The following ARSK variants were observed in gnomAD, a reference collection of about 807,000 sequenced individuals.
ARSK encodes the protein arylsulfatase family member K.
In ARSK, 37 loss-of-function variants were observed where a neutral mutation model predicts 53.2. The ratio of observed to expected loss-of-function variants is 0.70; its 90% confidence interval spans 0.54 to 0.92. ARSK has a LOEUF of 0.92. Ranked by LOEUF, ARSK falls within the 40% of genes least tolerant of loss-of-function variation. ARSK has a pLI of 0.00. For missense variants in ARSK, 613 were observed against 643.0 expected (o/e 0.95, Z 0.51); for synonymous variants, 208 against 223.2 (o/e 0.93, Z 0.61).
At chr5:95,569,397 G>T (rs1748785016) in intron 3 of ARSK, among the ~76,000 whole-genome samples, 1 of 152,154 alleles carries the variant, frequency 6.6e-6, no homozygotes, top group Non-Finnish European at 1.5e-5. Flanking sequence ...TTCAGAATGT[G>T]ATCTTATTGG....
intron 6 of ARSK, among the ~76,000 whole-genome samples, chr5:95,598,964 T>C (rs960733861): frequency 6.6e-6 from 1 of 152,296 alleles, no homozygotes. Context: ...GACCACCCTA[T>C]ATAAAACAGC....
intron 3 of ARSK, among the ~76,000 whole-genome samples, chr5:95,575,468 A>G (rs958278763): frequency 6.6e-6 from 1 of 152,174 alleles, no homozygotes; most frequent in Non-Finnish European, 1.5e-5. Flanking sequence ...TTTCAGTAGT[A>G]TGGACATTTT....
At chr5:95,581,994 C>A (rs1179731023) in intron 3 of ARSK, among the ~76,000 whole-genome samples, 1 of 151,734 alleles carries the variant, frequency 6.6e-6, no homozygotes, top group Non-Finnish European at 1.5e-5. Context: ...TCTATTTTAG[C>A]TTATATATGG....
Position 95,571,762 on chromosome 5 carries a change from C to T in ARSK, c.416+3713C>T, listed in dbSNP as rs180961060. ...AAGCCACCAGGAGTATTTTTATGAG[C>T]GCTGTATGTACCCACACAGACATTT... On this transcript the variant is annotated intron_variant, in intron 3 of 7. Coordinates refer to ENST00000380009, the MANE Select transcript of ARSK (RefSeq NM_198150.3). 3.9e-3 allele frequency among the ~76,000 whole-genome samples: 591 copies of T among 152,252 alleles called. 4 individuals carry two copies. Among genetic ancestry groups the T allele is most frequent in the Middle Eastern group, 0.01 (3 of 294 alleles).
chr5:95,560,637 A>G (rs896259068), intron 1 of ARSK, among the ~76,000 whole-genome samples: 7 of 152,072 alleles, frequency 4.6e-5, no homozygotes, highest in African/African-American at 1.7e-4. Context: ...AAAAAAAAAT[A>G]TGAATGAAGT....
At position 95,567,871 on chromosome 5, in the gene ARSK, CTTTT is replaced by C; in HGVS notation, c.257-9_257-6del. 4 of 1,268,278 alleles carry C rather than the reference CTTTT, an allele frequency of 3.2e-6. No homozygotes were observed. The highest frequency in any genetic ancestry group is 2.9e-5 in the South Asian group (2 of 69,104). 78.6% of individuals were successfully genotyped at this position (1,268,278 alleles called of 1,614,324 possible). On this transcript the variant is annotated splice_polypyrimidine_tract_variant and intron_variant, in intron 2 of 7. Transcript: ENST00000380009. ...TTAAGCTTTACCTTAATCCCAATTCCTTTTTTTTTTTTTCTCAGCAATGTGGAGT... is the reference window on the plus strand; with the variant it reads ...TTAAGCTTTACCTTAATCCCAATTCCTTTTTTTTTCTCAGCAATGTGGAGT...
rs1748750621 is a variant in ARSK, at chr5:95,567,801, C to T, written c.257-89C>T. The stretch of plus-strand genomic sequence containing the variant: ...CTTACTGCAGAGCATAAGCTCTTCA[C>T]TAGTGGACTGCTCTCTCAGAGTAAT... On this transcript the variant is annotated intron_variant, in intron 2 of 7. Coordinates refer to ENST00000380009, the MANE Select transcript of ARSK (RefSeq NM_198150.3). 23 of 1,316,948 alleles carry T rather than the reference C, an allele frequency of 1.7e-5. No individual in the cohort carries two copies. The South Asian group carries it at 3.6e-4, about 20-fold the overall frequency. The allele number at this position is 1,316,948 out of a possible 1,614,324, so 81.6% of individuals were successfully genotyped here.
intron 4 of ARSK, among the ~76,000 whole-genome samples, chr5:95,585,232 A>G (rs1749092980): frequency 6.6e-6 from 1 of 152,254 alleles, no homozygotes; most frequent in Admixed American, 6.5e-5. Context: ...GTGGGAATGT[A>G]AACTAGTACA....
intron 2 of ARSK, 24 bp from the exon 3 acceptor site, chr5:95,567,866 A>G (rs1748752190): frequency 1.3e-6 from 2 of 1,576,424 alleles, no homozygotes; most frequent in East Asian, 4.5e-5. Flanking sequence ...CCTTAATCCC[A>G]ATTCCTTTTT....
chr5:95,578,234 C>T (rs577496249), intron 3 of ARSK, among the ~76,000 whole-genome samples: 1 of 152,104 alleles, frequency 6.6e-6, no homozygotes, highest in Non-Finnish European at 1.5e-5. Context: ...TCACTGAAGC[C>T]TCAAACTCCT....
At chr5:95,592,669 C>T (rs1749240063) in intron 6 of ARSK, among the ~76,000 whole-genome samples, 1 of 152,130 alleles carries the variant, frequency 6.6e-6, no homozygotes, top group Non-Finnish European at 1.5e-5. Context: ...CTGCCTCAGC[C>T]TCCTGAGTAG....
chr5:95,588,688 C>T (rs556000367), intron 5 of ARSK, among the ~76,000 whole-genome samples: 18 of 152,066 alleles, frequency 1.2e-4, no homozygotes, highest in African/African-American at 4.3e-4. Flanking sequence ...TAATTAAAGA[C>T]ATTTGTGGCT....
At chr5:95,564,539 C>T (rs1748695586) in intron 1 of ARSK, among the ~76,000 whole-genome samples, 1 of 152,132 alleles carries the variant, frequency 6.6e-6, no homozygotes. Flanking sequence ...TTTCCCCCTG[C>T]TGCCTCACTT....
In ARSK at chr5:95,586,337, A is replaced by G. The variant is rs190575331; in HGVS notation, c.700-225A>G. On this transcript the variant is annotated intron_variant, in intron 4 of 7. Coordinates refer to ENST00000380009, the MANE Select transcript of ARSK (RefSeq NM_198150.3). ...TATAATTTTTAAAAATTTTACCACT[A>G]TCTCATGATATATATACACATATTG... 1.6e-4 allele frequency among the ~76,000 whole-genome samples: 24 copies of G among 152,288 alleles called. No homozygotes were observed. In the East Asian group the frequency reaches 4.4e-3, roughly 28 times the overall value.
At chr5:95,566,172 G>T (rs1465958525) in intron 2 of ARSK, 45 bp downstream of exon 2, 1 of 1,592,810 alleles carries the variant, frequency 6.3e-7, no homozygotes, top group East Asian at 2.3e-5. Context: ...GCTACACACT[G>T]AAAATATATT....
At chr5:95,570,783 C>CTTT (rs59188205) in intron 3 of ARSK, among the ~76,000 whole-genome samples, 4 of 142,528 alleles carry the variant, frequency 2.8e-5, no homozygotes, top group African/African-American at 1.0e-4. Context: ...ATATAACCAT[C>CTTT]TTTTTTTTTT....
intron 7 of ARSK, 110 bp from the exon 8 acceptor site, chr5:95,603,127 G>A (rs1749431559): frequency 7.2e-6 from 6 of 837,402 alleles, no homozygotes. Context: ...TACACTAACA[G>A]GAACTGAAAA....
At chr5:95,591,376 C>T (rs770087810) in intron 5 of ARSK, 25 bp from the exon 6 acceptor site, 125 of 1,557,678 alleles carry the variant, frequency 8.0e-5, no homozygotes, top group Non-Finnish European at 1.0e-4. Flanking sequence ...AAGTTTTAAT[C>T]GGTTTATCAT....
chr5:95,562,626 T>G (rs1489903376), intron 1 of ARSK, among the ~76,000 whole-genome samples: 1 of 152,200 alleles, frequency 6.6e-6, no homozygotes, highest in Non-Finnish European at 1.5e-5. Context: ...ATCACAAAAT[T>G]GTATCTACAA....
Sources: gnomAD v4.1 joint callset for allele counts (sites outside exome capture counted in the v4.1 genomes callset) on GRCh38, gnomAD v4.1.1 for gene constraint, MANE v1.5 for transcripts, NCBI Gene and HGNC (gene_info 2026-07-23, HGNC 2026-07-21) for gene names.